Variants in KIF1B observed in about 807,000 individuals in gnomAD.
KIF1B encodes kinesin family member 1B.
KIF1B carries 76 observed loss-of-function variants against 241.9 expected under a neutral mutation model. The observed-to-expected ratio is 0.31, with a 90% confidence interval of 0.26 to 0.38. The LOEUF (loss-of-function observed/expected upper bound fraction) is 0.38, where lower values mean the gene tolerates loss of function less well. KIF1B is among the 10% of genes least tolerant of loss of function. KIF1B has a pLI of 1.00. For synonymous variants in KIF1B, 750 were observed against 796.7 expected (o/e 0.94, Z 0.99); for missense variants, 1,622 against 2,271.4 (o/e 0.71, Z 5.81).
chr1:10,339,293 A>T (rs1045402960), intron 31 of KIF1B, among the ~76,000 whole-genome samples: 1 of 152,326 alleles, frequency 6.6e-6, no homozygotes, highest in East Asian at 1.9e-4. Context: ...GTAATGTGGG[A>T]ACACAAAGCT....
At chr1:10,349,882 C>A (rs576457854) in intron 37 of KIF1B, among the ~76,000 whole-genome samples, 69 of 152,074 alleles carry the variant, frequency 4.5e-4, no homozygotes, top group Non-Finnish European at 7.8e-4. Flanking sequence ...CAAAGGAAAC[C>A]GATAATATTG....
intron 34 of KIF1B, among the ~76,000 whole-genome samples, chr1:10,345,176 T>C (rs908214130): frequency 6.6e-6 from 1 of 152,174 alleles, no homozygotes; most frequent in African/African-American, 2.4e-5. Context: ...AAAAAGCATA[T>C]GGAATTTAAA....
intron 5 of KIF1B, among the ~76,000 whole-genome samples, chr1:10,262,831 G>A (rs1252325493): frequency 2.0e-5 from 3 of 152,038 alleles, no homozygotes; most frequent in African/African-American, 7.2e-5. Flanking sequence ...ACAGGCATTG[G>A]TTTTAAATAT....
rs1652654024 is a variant in KIF1B at position 10,348,107 on chromosome 1, CTT to C, written c.3864+283_3864+284del. On this transcript the variant is annotated intron_variant, in intron 36 of 48. Coordinates refer to ENST00000676179, the MANE Select transcript of KIF1B (RefSeq NM_001365951.3). ...TCTAATTTGTGTAGCTCCTATGTCA[CTT>C]TTAATACTTTTCATTTCGTGATGTT... is the stretch of plus-strand genomic sequence containing the variant. Among the ~76,000 whole-genome samples the C allele has an allele frequency of 2.0e-5, 3 of 152,066 alleles. No homozygotes were observed. The South Asian group carries it at 6.2e-4, about 31-fold the overall frequency.
Position 10,368,478 on chromosome 1 carries a change from TC to T in KIF1B, c.4765del (p.Leu1589SerfsTer51). Reference sequence around the variant, plus strand: ...TTTCTCTTCTTTAGTGCCTGCAACTTCTCACCCACACTTTCAACAGAGAATT... The same window carrying T: ...TTTCTCTTCTTTAGTGCCTGCAACTTTCACCCACACTTTCAACAGAGAATT... ...KELATKCLQLLTHTFNREFSQ... is the reference protein window; with the variant it reads ...KELATKCLQLXTHTFNREFSQ... On this transcript the variant is annotated frameshift_variant, in exon 44 of 49. Coordinates refer to ENST00000676179, the MANE Select transcript of KIF1B (RefSeq NM_001365951.3). LOFTEE classifies it high-confidence loss of function. The T allele has an allele frequency of 6.2e-7, 1 of 1,613,928 alleles. No homozygotes were observed. Among genetic ancestry groups the T allele is most frequent in the Non-Finnish European group, 8.5e-7 (1 of 1,179,850 alleles).
At position 10,378,915 on chromosome 1, in the gene KIF1B, A is replaced by G. The variant is rs987520500; in HGVS notation, c.*2328A>G. Reference sequence around the variant, plus strand: ...TCTTCTTCCTGTTAAAACATAGGTCACTAACTGTGATGTTATTTGTTTTCT... The same window carrying G: ...TCTTCTTCCTGTTAAAACATAGGTCGCTAACTGTGATGTTATTTGTTTTCT... On this transcript the variant is annotated 3_prime_UTR_variant, in exon 49 of 49. Transcript: ENST00000676179. The G allele has an allele frequency of 4.2e-6, 1 of 235,802 alleles. No individual in the cohort carries two copies. The highest frequency in any genetic ancestry group is 2.2e-5 in the African/African-American group (1 of 45,326). 14.6% of individuals were successfully genotyped at this position (235,802 alleles called of 1,614,324 possible).
intron 5 of KIF1B, among the ~76,000 whole-genome samples, chr1:10,266,905 C>T (rs9332414): frequency 0.33 from 50,367 of 151,928 alleles, 8,580 homozygotes; most frequent in Admixed American, 0.37. Flanking sequence ...CCTAGAGTTA[C>T]GGCATTTCAC....
chr1:10,214,441 C>T (rs1354734653), intron 1 of KIF1B, among the ~76,000 whole-genome samples: 1 of 151,866 alleles, frequency 6.6e-6, no homozygotes, highest in Non-Finnish European at 1.5e-5. Flanking sequence ...AGGCACCTGC[C>T]ACCATGCCCA....
Position 10,334,506 on chromosome 1 carries a change from G to C in KIF1B, c.2925-14G>C. 1 of 1,584,444 alleles carries C rather than the reference G, an allele frequency of 6.3e-7. No individual in the cohort carries two copies. The highest frequency in any genetic ancestry group is 8.7e-7 in the Non-Finnish European group (1 of 1,153,112). Reference sequence around the variant, plus strand: ...TGGATGTTCTGACATTTGTCTCCTGGTTTCTGTCTTTAGGGCATTTGTTTA... The same window carrying C: ...TGGATGTTCTGACATTTGTCTCCTGCTTTCTGTCTTTAGGGCATTTGTTTA... On this transcript the variant is annotated splice_polypyrimidine_tract_variant and intron_variant, in intron 27 of 48. Coordinates refer to ENST00000676179, the MANE Select transcript of KIF1B (RefSeq NM_001365951.3).
At chr1:10,254,474 A>G (rs903686498) in intron 2 of KIF1B, among the ~76,000 whole-genome samples, 1 of 152,170 alleles carries the variant, frequency 6.6e-6, no homozygotes, top group African/African-American at 2.4e-5. Flanking sequence ...ATACACACAC[A>G]CTAATCATTT....
rs1377289946 is a variant in KIF1B, at chr1:10,337,616, G to T, written c.3422+83G>T. 5 of 1,438,372 alleles carry T rather than the reference G, an allele frequency of 3.5e-6. No individual in the cohort carries two copies. The African/African-American group carries it at 7.0e-5, about 20-fold the overall frequency. The allele number at this position is 1,438,372 out of a possible 1,614,324, so 89.1% of individuals were successfully genotyped here. The stretch of plus-strand genomic sequence containing the variant: ...GTGCACTGTAGAGTGCTTTACATGT[G>T]TGAGGGATTAACACTCTTGAGACAA... On this transcript the variant is annotated intron_variant, in intron 31 of 48. Coordinates refer to ENST00000676179, the MANE Select transcript of KIF1B (RefSeq NM_001365951.3). This position sits in a 1 kb window ranked among gnomAD's most constrained non-coding sequence, Gnocchi z 4.0.
At chr1:10,343,900 A>C (rs1652491621) in intron 34 of KIF1B, among the ~76,000 whole-genome samples, 1 of 152,226 alleles carries the variant, frequency 6.6e-6, no homozygotes. Flanking sequence ...TCTGCTTTGC[A>C]TGTAACTTCC....
Position 10,368,567 on chromosome 1 carries a change from A to C in KIF1B, c.4824+29A>C, listed in dbSNP as rs1355209840. 7.6e-6 allele frequency: 12 copies of C among 1,589,150 alleles called. No individual in the cohort carries two copies. The South Asian group carries it at 1.1e-4, about 15-fold the overall frequency. ...AGCACATTGACTGTAATTTTTAGCC[A>C]GTATGTTGATAACTGATTTCTCCAC... On this transcript the variant is annotated intron_variant, in intron 44 of 48. Transcript: ENST00000676179.
Position 10,337,638 on chromosome 1 carries a change from A to G in KIF1B, c.3422+105A>G, listed in dbSNP as rs1276570113. ...TGTGTGAGGGATTAACACTCTTGAG[A>G]CAAAGACTGATCAGTCTCTGAAGGA... On this transcript the variant is annotated intron_variant, in intron 31 of 48. Coordinates refer to ENST00000676179, the MANE Select transcript of KIF1B (RefSeq NM_001365951.3). The surrounding 1 kb of genome is among the most constrained non-coding windows in gnomAD (Gnocchi z 4.0). 2.4e-6 allele frequency: 3 copies of G among 1,239,492 alleles called. No homozygotes were observed. Among genetic ancestry groups the G allele is most frequent in the Non-Finnish European group, 3.5e-6 (3 of 851,748 alleles). The allele number at this position is 1,239,492 out of a possible 1,614,324, so 76.8% of individuals were successfully genotyped here.
At chr1:10,331,060 A>C (rs992058320) in intron 27 of KIF1B, among the ~76,000 whole-genome samples, 1 of 150,898 alleles carries the variant, frequency 6.6e-6, no homozygotes, top group African/African-American at 2.4e-5. Context: ...CAGGAGTTTG[A>C]GACCAGCCTG....
At chr1:10,217,613 A>C (rs1230792243) in intron 1 of KIF1B, among the ~76,000 whole-genome samples, 1 of 151,990 alleles carries the variant, frequency 6.6e-6, no homozygotes, top group East Asian at 1.9e-4. Flanking sequence ...CACCGCACCC[A>C]GCTGCTCTTA....
At chr1:10,362,717 T>C (rs532177218) in intron 40 of KIF1B, among the ~76,000 whole-genome samples, 2 of 152,274 alleles carry the variant, frequency 1.3e-5, no homozygotes, top group African/African-American at 4.8e-5. Context: ...CACATTTATA[T>C]TTTAAATTTT....
Position 10,323,965 on chromosome 1 carries a change from A to C in KIF1B, c.2440A>C (p.Thr814Pro). ...ATTACTTCCCACTGAGATGGAAAAA[A>C]CTCATGAGGACAGGCCTTTCCCTCG... ...PELLPTEMEK[T>P]HEDRPFPRTV... The change falls in exon 25 of 49, where the codon ACT (threonine) becomes CCT (proline). Residue 814 changes from threonine (T) to proline (P), a missense_variant. Around this residue, in one of 7 missense-constraint regions of KIF1B, gnomAD observed 803 missense variants for 1,112.0 expected, o/e 0.72. Coordinates refer to ENST00000676179, the MANE Select transcript of KIF1B (RefSeq NM_001365951.3). The C allele has an allele frequency of 6.2e-7, 1 of 1,613,978 alleles. No individual in the cohort carries two copies. Among genetic ancestry groups the C allele is most frequent in the Non-Finnish European group, 8.5e-7 (1 of 1,179,960 alleles).
intron 45 of KIF1B, among the ~76,000 whole-genome samples, chr1:10,372,056 CCTGT>C (rs1181667494): frequency 6.6e-6 from 1 of 152,186 alleles, no homozygotes; most frequent in Non-Finnish European, 1.5e-5. Flanking sequence ...TTATCATCCA[CCTGT>C]CTATCTTATT....
Sources: allele counts gnomAD v4.1 joint callset (sites outside exome capture counted in the v4.1 genomes callset), GRCh38; gene constraint gnomAD v4.1.1; regional missense constraint gnomAD v4.1.1; non-coding constraint Gnocchi (gnomAD v3.1); transcripts MANE v1.5; gene names NCBI Gene and HGNC (gene_info 2026-07-23, HGNC 2026-07-21).